The following EFCAB3 variants were observed in gnomAD, a reference collection of about 807,000 sequenced individuals.
EFCAB3 encodes the protein EF-hand calcium binding domain 3, also known as EF-hand calcium-binding domain-containing protein 3.
A neutral mutation model predicts 42.2 loss-of-function variants in EFCAB3; 36 were observed. The observed-to-expected ratio is 0.85, with a 90% CI of 0.65 to 1.13. The LOEUF is 1.13. Among genes scored for constraint, EFCAB3 ranks in the 50% most tolerant of loss-of-function variants. The pLI is 0.00. For synonymous variants in EFCAB3, 170 were observed against 172.8 expected (o/e 0.98, Z 0.13); for missense variants, 418 against 505.1 (o/e 0.83, Z 1.65).
chr17:62,373,608 A>G (rs2070129543), intron 1 of EFCAB3, among the ~76,000 whole-genome samples: 1 of 152,218 alleles, frequency 6.6e-6, no homozygotes, highest in South Asian at 2.1e-4. Flanking sequence ...GGACAGAGCC[A>G]GACAGAGCCA....
chr17:62,383,195 GC>G, intron 2 of EFCAB3, 142 bp downstream of exon 2: 1 of 723,790 alleles, frequency 1.4e-6, no homozygotes, highest in Non-Finnish European at 2.2e-6. Context: ...GAGATTATTG[GC>G]CAGATGCAGT....
intron 8 of EFCAB3, among the ~76,000 whole-genome samples, chr17:62,412,765 C>CA (rs4058736): frequency 0.021 from 2,950 of 140,366 alleles, 72 homozygotes; most frequent in African/African-American, 0.065. Context: ...GACTCTGTCT[C>CA]AAAAAAAAAA....
At chr17:62,384,979 A>G (rs948154705) in intron 2 of EFCAB3, among the ~76,000 whole-genome samples, 1 of 152,196 alleles carries the variant, frequency 6.6e-6, no homozygotes, top group Admixed American at 6.5e-5. Flanking sequence ...TTCTGAGCAC[A>G]TTTAAGGTAG....
intron 6 of EFCAB3, among the ~76,000 whole-genome samples, chr17:62,404,634 TA>T (rs2070433350): frequency 6.6e-6 from 1 of 151,646 alleles, no homozygotes; most frequent in Non-Finnish European, 1.5e-5. Flanking sequence ...CCGTCTCTAC[TA>T]AAAGTACAAA....
upstream of EFCAB3, chr17:62,378,046 T>C (rs2070164078): frequency 6.5e-7 from 1 of 1,533,658 alleles, no homozygotes; most frequent in Non-Finnish European, 8.8e-7. Context: ...TGTGAAGCCA[T>C]TGTAAAGATG....
Position 62,416,075 on chromosome 17 carries a change from C to G in EFCAB3, c.1063C>G (p.Gln355Glu), listed in dbSNP as rs2070545191. The part of the protein sequence containing the change: ...EHRKEMLNLW[Q>E]KIRGDLIGMD... ...CCGAAAAGAGATGCTAAACCTCTGG[C>G]AGAAGATCCGAGGGGATTTGATTGG... The change falls in exon 10 of 10, where the codon CAG becomes GAG. Residue 355 changes from glutamine (Q) to glutamate (E), a missense_variant. Gln to Glu is a conservative substitution (Grantham distance 29, BLOSUM62 2). Transcript: ENST00000305286. 1 of 1,613,868 alleles carries G rather than the reference C, an allele frequency of 6.2e-7. No homozygotes were observed. Among genetic ancestry groups the G allele is most frequent in the Admixed American group, 1.7e-5 (1 of 59,984 alleles).
intron 8 of EFCAB3, among the ~76,000 whole-genome samples, chr17:62,408,616 T>A (rs554217059): frequency 2.6e-5 from 4 of 152,338 alleles, no homozygotes; most frequent in Admixed American, 1.3e-4. Flanking sequence ...ACCAGTCACA[T>A]TGCAAATGCT....
chr17:62,380,042 C>T (rs773005934), upstream of EFCAB3, among the ~76,000 whole-genome samples: 1 of 152,210 alleles, frequency 6.6e-6, no homozygotes, highest in Non-Finnish European at 1.5e-5. Flanking sequence ...CGCTCTGTCG[C>T]CCAGGCTAGA....
intron 6 of EFCAB3, among the ~76,000 whole-genome samples, chr17:62,399,995 A>G (rs983490101): frequency 5.9e-5 from 9 of 152,178 alleles, no homozygotes; most frequent in Non-Finnish European, 1.2e-4. Context: ...TTATTTGCTG[A>G]ATGACCTCCA....
intron 3 of EFCAB3, 136 bp downstream of exon 3, chr17:62,387,552 A>G (rs2070264420): frequency 4.4e-6 from 3 of 674,176 alleles, no homozygotes; most frequent in Non-Finnish European, 6.9e-6. Flanking sequence ...AAAACCTTAC[A>G]TTTTTGTGGG....
At chr17:62,378,050 A>T, upstream of EFCAB3, 11 of 1,526,282 alleles carry the variant, frequency 7.2e-6, no homozygotes, top group Non-Finnish European at 8.9e-6. Flanking sequence ...AAGCCATTGT[A>T]AAGATGGGGC....
At chr17:62,414,531 C>G (rs1363756363) in intron 9 of EFCAB3, among the ~76,000 whole-genome samples, 1 of 152,068 alleles carries the variant, frequency 6.6e-6, no homozygotes, top group African/African-American at 2.4e-5. Context: ...TCTTCTGCAG[C>G]CAACTGGTTC....
intron 6 of EFCAB3, among the ~76,000 whole-genome samples, chr17:62,395,606 G>GT (rs1317288445): frequency 1.3e-5 from 2 of 152,140 alleles, no homozygotes; most frequent in Admixed American, 1.3e-4. Context: ...CAGAGATGAG[G>GT]TACAGCAAAT....
Position 62,406,589 on chromosome 17 carries a change from T to C in EFCAB3, c.598T>C (p.Ser200Pro), listed in dbSNP as rs148922775. 22 of 1,614,022 alleles carry C rather than the reference T, an allele frequency of 1.4e-5. No homozygotes were observed. The highest frequency in any genetic ancestry group is 5.5e-5 in the South Asian group (5 of 91,080). The change falls in exon 7 of 10, where the codon TCA (serine) becomes CCA (proline). Residue 200 changes from serine to proline, a missense_variant. Physicochemically the swap from Ser to Pro is moderately conservative, Grantham distance 74. Coordinates refer to ENST00000305286, the MANE Select transcript of EFCAB3 (RefSeq NM_173503.4). ...LKPDICTPPS[S>P]SMAAFANAAR... ...GCCAGACATATGCACACCTCCAAGC[T>C]CAAGCATGGCTGCCTTTGCTAATGC...
intron 2 of EFCAB3, among the ~76,000 whole-genome samples, chr17:62,374,746 C>T (rs1320772500): frequency 6.6e-6 from 1 of 152,164 alleles, no homozygotes; most frequent in Non-Finnish European, 1.5e-5. Flanking sequence ...GATTTATTCT[C>T]TGCATCTGCA....
chr17:62,395,046 A>G (rs746244884), intron 5 of EFCAB3, 22 bp from the exon 6 acceptor site: 6 of 1,610,212 alleles, frequency 3.7e-6, no homozygotes, highest in African/African-American at 1.3e-5. Flanking sequence ...TTAAAAATCT[A>G]TCTTTTGTTT....
At chr17:62,376,168 T>C (rs2070149068), upstream of EFCAB3, among the ~76,000 whole-genome samples, 1 of 152,200 alleles carries the variant, frequency 6.6e-6, no homozygotes, top group African/African-American at 2.4e-5. Context: ...TAATACTACA[T>C]TTTCACTTAT....
chr17:62,370,584 A>T (rs1016713438), intron 1 of EFCAB3, among the ~76,000 whole-genome samples: 3 of 151,830 alleles, frequency 2.0e-5, no homozygotes, highest in African/African-American at 7.3e-5. Context: ...TGAACCCAGG[A>T]GGGGGAGGTT....
chr17:62,371,281 G>A (rs1397577401), intron 1 of EFCAB3, among the ~76,000 whole-genome samples: 3 of 152,026 alleles, frequency 2.0e-5, no homozygotes, highest in Admixed American at 6.5e-5. Flanking sequence ...CTTGCCGGGC[G>A]CGGTGGCTCA....
Sources: gnomAD v4.1 joint callset for allele counts (sites outside exome capture counted in the v4.1 genomes callset) on GRCh38, gnomAD v4.1.1 for gene constraint, MANE v1.5 for transcripts, NCBI Gene and HGNC (gene_info 2026-07-23, HGNC 2026-07-21) for gene names.